Variants in ACYP2 observed in about 807,000 individuals in gnomAD.
ACYP2 encodes acylphosphatase-2.
A neutral mutation model predicts 11.2 loss-of-function variants in ACYP2; 12 were observed. That is an observed-to-expected ratio of 1.08 (90% CI 0.69 to 1.74). The LOEUF is 1.74. Ranked by LOEUF, ACYP2 falls within the 40% of genes most tolerant of loss-of-function variation. ACYP2 has a pLI of 0.00. For synonymous variants in ACYP2, 43 were observed against 32.2 expected, an observed-to-expected ratio of 1.33 and a Z score of -1.13; for missense variants, 134 against 101.9, an observed-to-expected ratio of 1.31 and a Z score of -1.35.
intron 6 of ACYP2, among the ~76,000 whole-genome samples, chr2:54,236,547 A>C (rs1181413491): frequency 6.6e-6 from 1 of 152,164 alleles, no homozygotes; most frequent in African/African-American, 2.4e-5. Context: ...TCTTTATGGT[A>C]AAATAATTTG....
intron 4 of ACYP2, among the ~76,000 whole-genome samples, chr2:54,071,056 A>C (rs769317820): frequency 6.6e-6 from 1 of 152,090 alleles, no homozygotes; most frequent in Non-Finnish European, 1.5e-5. Context: ...CCGGCCTCAA[A>C]AGCTTTTCTT....
At chr2:54,105,007 ACTAT>A (rs1398924799) in intron 4 of ACYP2, among the ~76,000 whole-genome samples, 10 of 152,234 alleles carry the variant, frequency 6.6e-5, no homozygotes, top group Non-Finnish European at 1.5e-5. Context: ...TTGTTAGCAA[ACTAT>A]CTAGTGGTCT....
intron 6 of ACYP2, among the ~76,000 whole-genome samples, chr2:54,229,933 T>C (rs1686161708): frequency 6.6e-6 from 1 of 152,352 alleles, no homozygotes; most frequent in East Asian, 1.9e-4. Context: ...AAGCTCTGAT[T>C]TTTTATCTTA....
chr2:54,128,501 C>T (rs954695874), intron 4 of ACYP2, among the ~76,000 whole-genome samples: 2 of 152,032 alleles, frequency 1.3e-5, no homozygotes, highest in African/African-American at 2.4e-5. Flanking sequence ...GACTCCATCT[C>T]TACAAAAATT....
intron 6 of ACYP2, among the ~76,000 whole-genome samples, chr2:54,184,355 C>T (rs138598287): frequency 2.8e-3 from 421 of 152,226 alleles, no homozygotes; most frequent in African/African-American, 9.6e-3. Flanking sequence ...ACACATATTC[C>T]TTAGTAAGTT....
chr2:54,161,560 A>C (rs540725171), intron 6 of ACYP2, among the ~76,000 whole-genome samples: 6 of 152,310 alleles, frequency 3.9e-5, no homozygotes, highest in Non-Finnish European at 8.8e-5. Flanking sequence ...AATTATATTA[A>C]AAACTTTTGT....
At chr2:54,201,068 C>G (rs1684731601) in intron 6 of ACYP2, among the ~76,000 whole-genome samples, 1 of 151,608 alleles carries the variant, frequency 6.6e-6, no homozygotes, top group South Asian at 2.1e-4. Context: ...AAATGTCTAT[C>G]CAGATTCTTT....
intron 2 of ACYP2, among the ~76,000 whole-genome samples, chr2:53,980,402 A>C (rs965215032): frequency 5.3e-5 from 8 of 151,782 alleles, no homozygotes; most frequent in African/African-American, 1.9e-4. Flanking sequence ...CAGTAAGCTA[A>C]ATTTAATTTA....
chr2:54,292,669 TACACACACACACACACAC>T (rs3071218), intron 6 of ACYP2, among the ~76,000 whole-genome samples: 74 of 149,082 alleles, frequency 5.0e-4, no homozygotes, highest in Non-Finnish European at 7.6e-4. Context: ...TATATATGTA[TACACACACACACACACAC>T]ACACACACAC....
At chr2:53,973,172 T>G (rs1396760459) in intron 1 of ACYP2, among the ~76,000 whole-genome samples, 1 of 152,164 alleles carries the variant, frequency 6.6e-6, no homozygotes, top group Non-Finnish European at 1.5e-5. Flanking sequence ...CTGAAAGGGT[T>G]TATTGGATAG....
chr2:53,983,389 C>T (rs187000339), intron 2 of ACYP2, among the ~76,000 whole-genome samples: 90 of 152,140 alleles, frequency 5.9e-4, no homozygotes, highest in African/African-American at 2.1e-3. Context: ...GCCTGTAGTC[C>T]GAGCTACTTG....
chr2:54,166,671 C>G (rs1197653672), intron 6 of ACYP2, among the ~76,000 whole-genome samples: 1 of 152,146 alleles, frequency 6.6e-6, no homozygotes, highest in Non-Finnish European at 1.5e-5. Flanking sequence ...TGCTTGAGTT[C>G]GATGCCAAGA....
chr2:54,202,195 G>A (rs928981914), intron 6 of ACYP2, among the ~76,000 whole-genome samples: 9 of 151,986 alleles, frequency 5.9e-5, no homozygotes, highest in African/African-American at 1.5e-4. Flanking sequence ...CTCACTCTCC[G>A]CCTCCCAGGT....
chr2:54,017,651 T>C (rs1673774092), intron 2 of ACYP2, among the ~76,000 whole-genome samples: 2 of 152,320 alleles, frequency 1.3e-5, no homozygotes, highest in South Asian at 2.1e-4. Flanking sequence ...TTCAATCTTA[T>C]AGATAGACGT....
Position 53,971,257 on chromosome 2 carries a change from C to G in ACYP2, c.-101C>G, listed in dbSNP as rs975714179. 6.5e-6 allele frequency: 1 copy of G among 153,866 alleles called. No individual in the cohort carries two copies. The highest frequency in any genetic ancestry group is 1.4e-5 in the Non-Finnish European group (1 of 69,222). 9.5% of individuals were successfully genotyped at this position (153,866 alleles called of 1,614,324 possible). A position where few individuals can be genotyped will look rare whatever the true frequency, so the allele number is the denominator to read the frequency against. On this transcript the variant is annotated 5_prime_UTR_variant, in exon 1 of 7. Transcript: ENST00000607452. ...ATTCCAAGCTATTGTCCTGCTTCGC[C>G]GGGGGTCGCGCACTCCAAGCGGCAG...
intron 4 of ACYP2, among the ~76,000 whole-genome samples, chr2:54,095,752 T>C (rs1207805625): frequency 2.2e-5 from 2 of 90,450 alleles, no homozygotes; most frequent in African/African-American, 4.4e-5. Flanking sequence ...GAGGCGCCCC[T>C]CACCTCCCGG....
chr2:54,096,216 G>A (rs533795058), intron 4 of ACYP2, among the ~76,000 whole-genome samples: 152 of 146,644 alleles, frequency 1.0e-3, no homozygotes, highest in African/African-American at 3.7e-3. Flanking sequence ...GGGCAGAGAC[G>A]CTCCTCACCT....
At chr2:54,207,409 T>C (rs568165097) in intron 6 of ACYP2, among the ~76,000 whole-genome samples, 45 of 152,292 alleles carry the variant, frequency 3.0e-4, no homozygotes, top group African/African-American at 7.5e-4. Context: ...GTTCTTTAAG[T>C]TCTTCAATTG....
intron 2 of ACYP2, among the ~76,000 whole-genome samples, chr2:54,031,175 C>T (rs1050331021): frequency 2.6e-5 from 4 of 151,964 alleles, no homozygotes; most frequent in Admixed American, 6.6e-5. Context: ...GTGCACAATG[C>T]GCAGGTTTGT....
Sources: gnomAD v4.1 joint callset for allele counts (sites outside exome capture counted in the v4.1 genomes callset) on GRCh38, gnomAD v4.1.1 for gene constraint, MANE v1.5 for transcripts, NCBI Gene and HGNC (gene_info 2026-07-23, HGNC 2026-07-21) for gene names.